Variants in RANBP3L observed in about 807,000 individuals in gnomAD.
The protein encoded by RANBP3L is RAN binding protein 3 like, also known as ran-binding protein 3-like.
RANBP3L carries 56 observed loss-of-function variants against 67.2 expected under a neutral mutation model. The ratio of observed to expected loss-of-function variants is 0.83; its 90% CI spans 0.67 to 1.04. The LOEUF is 1.04. Among genes scored for constraint, RANBP3L ranks in the 50% least tolerant of loss-of-function variants. The pLI, the probability that RANBP3L is intolerant of heterozygous loss-of-function variation, is 0.00. For synonymous variants in RANBP3L, 164 were observed against 181.4 expected, an observed-to-expected ratio of 0.90 and a Z score of 0.77; for missense variants, 496 against 535.5, an observed-to-expected ratio of 0.93 and a Z score of 0.73.
chr5:36,260,405 G>A (rs937086859), intron 8 of RANBP3L, among the ~76,000 whole-genome samples: 2 of 147,770 alleles, frequency 1.4e-5, no homozygotes, highest in African/African-American at 5.0e-5. Context: ...AATTTTAAAT[G>A]CATCTTGTTA....
chr5:36,275,133 A>C (rs1235582667), intron 1 of RANBP3L, among the ~76,000 whole-genome samples: 1 of 152,208 alleles, frequency 6.6e-6, no homozygotes, highest in Non-Finnish European at 1.5e-5. Context: ...TTGTTACAAG[A>C]AAGAACACGA....
At chr5:36,274,702 G>A (rs1750451517) in intron 1 of RANBP3L, among the ~76,000 whole-genome samples, 1 of 152,102 alleles carries the variant, frequency 6.6e-6, no homozygotes, top group Admixed American at 6.6e-5. Flanking sequence ...TTTAAGCAGG[G>A]GAGTGATTTG....
intron 1 of RANBP3L, among the ~76,000 whole-genome samples, chr5:36,294,497 G>A (rs1752046192): frequency 1.3e-5 from 2 of 151,864 alleles, no homozygotes; most frequent in Non-Finnish European, 1.5e-5. Flanking sequence ...TGATGTTAGG[G>A]TATCAATTTT....
intron 1 of RANBP3L, among the ~76,000 whole-genome samples, chr5:36,284,420 G>A (rs1751187955): frequency 6.6e-6 from 1 of 152,092 alleles, no homozygotes; most frequent in Admixed American, 6.6e-5. Flanking sequence ...AAGCAACTCA[G>A]GTGTGAAACT....
intron 4 of RANBP3L, among the ~76,000 whole-genome samples, chr5:36,266,229 C>T (rs1264540871): frequency 6.6e-6 from 1 of 152,078 alleles, no homozygotes; most frequent in African/African-American, 2.4e-5. Context: ...CACTCCCTGA[C>T]TTTTTAATGA....
intron 12 of RANBP3L, among the ~76,000 whole-genome samples, chr5:36,252,469 A>G (rs930302345): frequency 2.6e-5 from 4 of 152,142 alleles, no homozygotes; most frequent in African/African-American, 9.7e-5. Context: ...AATAAAATGT[A>G]TAAATAAAAT....
Position 36,271,258 on chromosome 5 carries a change from A to T in RANBP3L, c.145T>A (p.Phe49Ile). The change falls in exon 2 of 14, where the codon TTT (phenylalanine) becomes ATT (isoleucine). Residue 49 changes from phenylalanine (F) to isoleucine (I), a missense_variant. Physicochemically the swap from Phe to Ile is conservative, Grantham distance 21. Coordinates refer to ENST00000296604, the MANE Select transcript of RANBP3L (RefSeq NM_145000.5). ...IFVFEKGEQT[F>I]KRPAEDTLYE... is the part of the protein sequence containing the mutation. Reference sequence around the variant, plus strand: ...AAAGAAGTAGTCAATCTTACCTTAAAAGTTTGTTCTCCCTTTTCAAAAACA... The same window carrying T: ...AAAGAAGTAGTCAATCTTACCTTAATAGTTTGTTCTCCCTTTTCAAAAACA... 1.9e-6 allele frequency: 3 copies of T among 1,544,178 alleles called. No homozygotes were observed. The East Asian group carries it at 6.7e-5, about 35-fold the overall frequency.
At chr5:36,255,695 T>C in intron 10 of RANBP3L, 105 bp from the exon 11 acceptor site, 1 of 614,254 alleles carries the variant, frequency 1.6e-6, no homozygotes, top group South Asian at 2.5e-5. Flanking sequence ...TTTACCAAAA[T>C]AATCTTTGTT....
intron 1 of RANBP3L, among the ~76,000 whole-genome samples, chr5:36,292,324 C>A (rs924531742): frequency 1.3e-5 from 2 of 151,748 alleles, no homozygotes; most frequent in Non-Finnish European, 2.9e-5. Context: ...GAGTAGGCTG[C>A]GAAAATTTTC....
chr5:36,300,689 C>A (rs1752551424), intron 1 of RANBP3L, among the ~76,000 whole-genome samples: 1 of 152,112 alleles, frequency 6.6e-6, no homozygotes, highest in East Asian at 1.9e-4. Flanking sequence ...ATCATCTTGT[C>A]TATTCATGTC....
At position 36,260,761 on chromosome 5, in the gene RANBP3L, A is replaced by T; in HGVS notation, c.669+19T>A. 8.4e-7 allele frequency: 1 copy of T among 1,193,838 alleles called. No individual in the cohort carries two copies. Among genetic ancestry groups the T allele is most frequent in the South Asian group, 1.3e-5 (1 of 77,844 alleles). 74.0% of individuals were successfully genotyped at this position (1,193,838 alleles called of 1,614,324 possible). ...GACAGCTCTGTATATAGTAATAGAA[A>T]CATATACCAAAATCTTACCAAAACT... is the stretch of plus-strand genomic sequence containing the variant. On this transcript the variant is annotated intron_variant, in intron 8 of 13. Transcript: ENST00000296604.
chr5:36,256,807 A>C, intron 10 of RANBP3L, 134 bp downstream of exon 10: 1 of 757,604 alleles, frequency 1.3e-6, no homozygotes, highest in South Asian at 2.3e-5. Flanking sequence ...AGAGCATCCA[A>C]CATTTTTATT....
intron 6 of RANBP3L, among the ~76,000 whole-genome samples, chr5:36,264,570 G>C (rs1190986907): frequency 6.6e-6 from 1 of 152,134 alleles, no homozygotes; most frequent in African/African-American, 2.4e-5. Context: ...CCTCTGGTAT[G>C]ACCTAAACTG....
At chr5:36,300,734 G>A (rs1392455) in intron 1 of RANBP3L, among the ~76,000 whole-genome samples, 57,796 of 151,948 alleles carry the variant, frequency 0.38, 12,864 homozygotes, top group Middle Eastern at 0.51. Flanking sequence ...GCTGGAGAGT[G>A]GATTTGAAAA....
intron 13 of RANBP3L, among the ~76,000 whole-genome samples, chr5:36,250,361 G>A (rs1748508606): frequency 6.6e-6 from 1 of 151,872 alleles, no homozygotes; most frequent in Non-Finnish European, 1.5e-5. Flanking sequence ...GAATCACTGG[G>A]TCAAGCAGGT....
intron 1 of RANBP3L, among the ~76,000 whole-genome samples, chr5:36,290,898 A>ATT (rs758051439): frequency 0.019 from 2,336 of 120,826 alleles, 101 homozygotes; most frequent in East Asian, 0.15. Context: ...TGCCTGGCTA[A>ATT]TTTTTTTTTT....
intron 1 of RANBP3L, among the ~76,000 whole-genome samples, chr5:36,289,604 C>T (rs774683808): frequency 4.6e-5 from 7 of 152,112 alleles, no homozygotes; most frequent in South Asian, 2.1e-4. Context: ...AAGTCTTGCA[C>T]GTATTTTGTT....
chr5:36,290,795 G>A (rs1470138327), intron 1 of RANBP3L, among the ~76,000 whole-genome samples: 20 of 131,276 alleles, frequency 1.5e-4, no homozygotes, highest in East Asian at 1.4e-3. Context: ...GCAGTGGCGC[G>A]ATCTCGGCTC....
intron 1 of RANBP3L, among the ~76,000 whole-genome samples, chr5:36,275,372 G>A (rs996924871): frequency 6.6e-6 from 1 of 152,108 alleles, no homozygotes; most frequent in Non-Finnish European, 1.5e-5. Context: ...ATTAAATCTA[G>A]GCCTCCTGCC....
Sources: gnomAD v4.1 joint callset for allele counts (sites outside exome capture counted in the v4.1 genomes callset) on GRCh38, gnomAD v4.1.1 for gene constraint, MANE v1.5 for transcripts, NCBI Gene and HGNC (gene_info 2026-07-23, HGNC 2026-07-21) for gene names.